NDUFS4: variants seen among roughly 807,000 people sequenced by gnomAD.
NDUFS4 encodes NADH dehydrogenase [ubiquinone] iron-sulfur protein 4, mitochondrial.
Under a neutral mutation model 24.3 loss-of-function variants are expected in NDUFS4, and 28 were observed. That is an observed-to-expected ratio of 1.15 (90% confidence interval 0.85 to 1.58). NDUFS4 has a LOEUF of 1.58. Among genes scored for constraint, NDUFS4 ranks in the 40% most tolerant of loss-of-function variants. The pLI, the probability that NDUFS4 is intolerant of heterozygous loss-of-function variation, is 0.00. For synonymous variants in NDUFS4, 93 were observed against 69.7 expected (o/e 1.34, Z -1.67); for missense variants, 223 against 207.9 (o/e 1.07, Z -0.45).
At chr5:53,665,547 C>G (rs762749729) in intron 4 of NDUFS4, among the ~76,000 whole-genome samples, 20 of 152,190 alleles carry the variant, frequency 1.3e-4, no homozygotes, top group Non-Finnish European at 2.8e-4. Flanking sequence ...CCCACAGCCT[C>G]GCTGATGCCT....
At chr5:53,641,960 T>A (rs1652149775) in intron 2 of NDUFS4, among the ~76,000 whole-genome samples, 1 of 152,154 alleles carries the variant, frequency 6.6e-6, no homozygotes, top group Non-Finnish European at 1.5e-5. Context: ...AATGTTTCAA[T>A]ATGTGCTCTA....
chr5:53,644,597 T>C (rs1751803341), intron 2 of NDUFS4, among the ~76,000 whole-genome samples: 1 of 152,112 alleles, frequency 6.6e-6, no homozygotes, highest in African/African-American at 2.4e-5. Flanking sequence ...TTAAACTTTT[T>C]TTGAAGTTGA....
Position 53,603,493 on chromosome 5 carries a change from C to T in NDUFS4, c.140C>T (p.Thr47Ile). ...TSTWRLAQDQ[T>I]QDTQLITVDE... ...ACATGGAGATTGGCACAGGACCAGA[C>T]TCAAGACACACAACTCATAACAGTT... is the stretch of plus-strand genomic sequence containing the variant. The change falls in exon 2 of 5, where the codon ACT becomes ATT. Residue 47 changes from threonine to isoleucine, a missense_variant. Coordinates refer to ENST00000296684, the MANE Select transcript of NDUFS4 (RefSeq NM_002495.4). 6.2e-7 allele frequency: 1 copy of T among 1,613,948 alleles called. No homozygotes were observed. The highest frequency in any genetic ancestry group is 1.1e-5 in the South Asian group (1 of 91,064).
At chr5:53,625,055 C>A (rs1751173862) in intron 2 of NDUFS4, among the ~76,000 whole-genome samples, 1 of 152,064 alleles carries the variant, frequency 6.6e-6, no homozygotes, top group Non-Finnish European at 1.5e-5. Context: ...AAGAGATCCT[C>A]CCACCTCATC....
intron 4 of NDUFS4, among the ~76,000 whole-genome samples, chr5:53,679,381 C>A (rs1203926784): frequency 6.6e-6 from 1 of 152,116 alleles, no homozygotes; most frequent in Non-Finnish European, 1.5e-5. Context: ...TGCCCATCCA[C>A]ATTCCAATCT....
chr5:53,628,849 T>C (rs1213219658), intron 2 of NDUFS4, among the ~76,000 whole-genome samples: 1 of 152,222 alleles, frequency 6.6e-6, no homozygotes, highest in African/African-American at 2.4e-5. Context: ...ATTTATTTTT[T>C]TGAAGGGTTT....
intron 4 of NDUFS4, among the ~76,000 whole-genome samples, chr5:53,678,485 C>A (rs1387718020): frequency 6.6e-6 from 1 of 152,128 alleles, no homozygotes; most frequent in Non-Finnish European, 1.5e-5. Context: ...TTGCTTTGAT[C>A]TTCTTCTGTC....
chr5:53,608,101 A>C (rs890776620), intron 2 of NDUFS4, among the ~76,000 whole-genome samples: 2 of 152,214 alleles, frequency 1.3e-5, no homozygotes, highest in Admixed American at 6.5e-5. Flanking sequence ...TGCCACAATA[A>C]AGTGAGTCAT....
At chr5:53,611,518 A>G (rs1256685377) in intron 2 of NDUFS4, among the ~76,000 whole-genome samples, 1 of 152,054 alleles carries the variant, frequency 6.6e-6, no homozygotes, top group African/African-American at 2.4e-5. Context: ...AAGAATGTAA[A>G]TATCAAAAGA....
At chr5:53,610,452 A>G (rs539667326) in intron 2 of NDUFS4, among the ~76,000 whole-genome samples, 40 of 152,274 alleles carry the variant, frequency 2.6e-4, no homozygotes, top group African/African-American at 9.6e-4. Flanking sequence ...AGAATTGTCA[A>G]AATGTGACAC....
At chr5:53,641,328 G>A (rs1258289072) in intron 2 of NDUFS4, among the ~76,000 whole-genome samples, 3 of 152,084 alleles carry the variant, frequency 2.0e-5, no homozygotes, top group Non-Finnish European at 4.4e-5. Flanking sequence ...AATAGTTTGT[G>A]AGATTGAAAA....
At chr5:53,627,530 G>A (rs560991645) in intron 2 of NDUFS4, among the ~76,000 whole-genome samples, 11 of 151,948 alleles carry the variant, frequency 7.2e-5, no homozygotes, top group East Asian at 3.9e-4. Flanking sequence ...ATGTTCTTTC[G>A]TTTGTTCGTG....
At chr5:53,673,917 C>A (rs1192864326) in intron 4 of NDUFS4, among the ~76,000 whole-genome samples, 5 of 152,086 alleles carry the variant, frequency 3.3e-5, no homozygotes, top group Non-Finnish European at 2.9e-5. Context: ...TGTTCATTAA[C>A]CAACTCAGAG....
At position 53,666,924 on chromosome 5, in the gene NDUFS4, ACT is replaced by A. The variant is rs572204103; in HGVS notation, c.424+8302_424+8303del. Among the ~76,000 whole-genome samples, 249 of 151,820 alleles carry A rather than the reference ACT, an allele frequency of 1.6e-3. 1 individual carries two copies. Among genetic ancestry groups the A allele is most frequent in the African/African-American group, 5.5e-3 (227 of 41,392 alleles). On this transcript the variant is annotated intron_variant, in intron 4 of 4. Transcript: ENST00000296684. ...ACTCCAGCCTGGGTGACAGGGTGAG[ACT>A]CAGTCTCAAAAAATAATAAATAAAT...
chr5:53,660,568 T>C lies in NDUFS4; in HGVS notation c.424+1944T>C, dbSNP rs145586126. Among the ~76,000 whole-genome samples the C allele has an allele frequency of 7.2e-3, 1,102 of 152,276 alleles. 12 individuals are homozygous for C. Among genetic ancestry groups the C allele is most frequent in the African/African-American group, 0.025 (1,050 of 41,540 alleles). On this transcript the variant is annotated intron_variant, in intron 4 of 4. Transcript: ENST00000296684. Reference sequence around the variant, plus strand: ...TTTCTAGTACTAGATGCCTGAGGAATTGCCACACTGACTTCCACAATGGTT... The same window carrying C: ...TTTCTAGTACTAGATGCCTGAGGAACTGCCACACTGACTTCCACAATGGTT...
At chr5:53,652,671 C>A (rs1752052478) in intron 3 of NDUFS4, among the ~76,000 whole-genome samples, 2 of 152,104 alleles carry the variant, frequency 1.3e-5, no homozygotes, top group Non-Finnish European at 2.9e-5. Flanking sequence ...TTTTAAAGTA[C>A]TATATTTACA....
intron 2 of NDUFS4, among the ~76,000 whole-genome samples, chr5:53,614,243 G>A (rs544027217): frequency 1.3e-4 from 20 of 151,852 alleles, no homozygotes; most frequent in African/African-American, 4.8e-4. Context: ...ATAAAATTCT[G>A]CAGAACTTTG....
intron 1 of NDUFS4, among the ~76,000 whole-genome samples, 190 bp from the exon 2 acceptor site, chr5:53,603,262 T>G (rs1267587896): frequency 6.6e-6 from 1 of 151,936 alleles, no homozygotes; most frequent in Non-Finnish European, 1.5e-5. Flanking sequence ...CAAGTGAGTC[T>G]GCCAAAAACT....
In NDUFS4 at chr5:53,570,630, T is replaced by C. The variant is rs114997412; in HGVS notation, c.98+9870T>C. Among the ~76,000 whole-genome samples the C allele has an allele frequency of 3.1e-3, 465 of 152,242 alleles. 2 individuals are homozygous for C. Among genetic ancestry groups the C allele is most frequent in the African/African-American group, 9.9e-3 (413 of 41,538 alleles). ...CATTTTGCTTTTCACCAGCACCATA[T>C]GAAAGTTTTAGTTGTTTTGCATCCT... On this transcript the variant is annotated intron_variant, in intron 1 of 4. Coordinates refer to ENST00000296684, the MANE Select transcript of NDUFS4 (RefSeq NM_002495.4).
Sources: allele counts gnomAD v4.1 joint callset (sites outside exome capture counted in the v4.1 genomes callset), GRCh38; gene constraint gnomAD v4.1.1; transcripts MANE v1.5; gene names NCBI Gene and HGNC (gene_info 2026-07-23, HGNC 2026-07-21).